Variants in IFT140 observed in about 807,000 individuals in gnomAD.
IFT140 encodes the protein intraflagellar transport 140, also known as intraflagellar transport protein 140 homolog.
IFT140 carries 133 observed loss-of-function variants against 164.6 expected under a neutral mutation model. The ratio of observed to expected loss-of-function variants is 0.81; its 90% CI spans 0.70 to 0.93. The LOEUF (loss-of-function observed/expected upper bound fraction) is 0.93, where lower values mean the gene tolerates loss of function less well. Among genes scored for constraint, IFT140 ranks in the 40% least tolerant of loss-of-function variants. The probability of loss-of-function intolerance (pLI) is 0.00; values close to 1 mark genes in which losing one functional copy is unlikely to be tolerated. For synonymous variants in IFT140, 860 were observed against 817.3 expected (o/e 1.05, Z -0.89); for missense variants, 2,045 against 1,972.3 (o/e 1.04, Z -0.70).
intron 26 of IFT140, among the ~76,000 whole-genome samples, chr16:1,521,742 C>T (rs576002213): frequency 8.0e-5 from 12 of 149,568 alleles, no homozygotes; most frequent in South Asian, 2.3e-4. Flanking sequence ...TGTCTTAGGC[C>T]GGGCATGTTG....
In IFT140 at chr16:1,513,888, T is replaced by G. The variant is rs1378690006; in HGVS notation, c.4183-2738A>C. ...CGGGGTTTCACCGTGTTAGCCAAGA[T>G]GGTCTCCATCTCCTGACCTCATGAT... is the stretch of plus-strand genomic sequence containing the variant. On this transcript the variant is annotated intron_variant, in intron 30 of 30. Transcript: ENST00000426508. Among the ~76,000 whole-genome samples the G allele has an allele frequency of 9.1e-5, 13 of 142,750 alleles. No individual in the cohort carries two copies. In the South Asian group the frequency reaches 1.4e-3, roughly 16 times the overall value. 93.6% of individuals were successfully genotyped at this position (142,750 alleles called of 152,430 possible).
chr16:1,523,498 A>C lies in IFT140; in HGVS notation c.3453+20T>G, dbSNP rs1335941700. ...GTGGTGCCTGCGTGGAGCCGAGCCCAGGCCCCGCTGGCCCCGTACCTTCCT... is the reference window on the plus strand; with the variant it reads ...GTGGTGCCTGCGTGGAGCCGAGCCCCGGCCCCGCTGGCCCCGTACCTTCCT... On this transcript the variant is annotated intron_variant, in intron 26 of 30. Coordinates refer to ENST00000426508, the MANE Select transcript of IFT140 (RefSeq NM_014714.4). 5.0e-6 allele frequency: 8 copies of C among 1,601,300 alleles called. No individual in the cohort carries two copies. In the African/African-American group the frequency reaches 9.4e-5, roughly 19 times the overall value.
In IFT140 at chr16:1,592,453, A is replaced by G; in HGVS notation, c.491+14T>C. On this transcript the variant is annotated intron_variant, in intron 5 of 30. Coordinates refer to ENST00000426508, the MANE Select transcript of IFT140 (RefSeq NM_014714.4). ...AAACACACACACAGGTCACAGGGCA[A>G]GCCCCACACTTACTCGCCAGGAGGG... 3 of 1,613,754 alleles carry G rather than the reference A, an allele frequency of 1.9e-6. No homozygotes were observed. The highest frequency in any genetic ancestry group is 2.5e-6 in the Non-Finnish European group (3 of 1,179,734).
intron 19 of IFT140, among the ~76,000 whole-genome samples, chr16:1,550,244 G>C (rs773212717): frequency 1.4e-4 from 21 of 152,076 alleles, no homozygotes; most frequent in Non-Finnish European, 3.1e-4. Context: ...CAGCCCCTTC[G>C]TCTTCTATAT....
chr16:1,603,284 C>T (rs567408640), intron 3 of IFT140, among the ~76,000 whole-genome samples: 5 of 152,002 alleles, frequency 3.3e-5, no homozygotes, highest in African/African-American at 4.8e-5. Flanking sequence ...GGTTTGTGGC[C>T]CCAGGGATCT....
chr16:1,608,570 T>C (rs759700563), intron 2 of IFT140, among the ~76,000 whole-genome samples: 3 of 145,918 alleles, frequency 2.1e-5, no homozygotes, highest in Non-Finnish European at 4.5e-5. Context: ...GAGGCAGAGG[T>C]TGCGGTAAGC....
At position 1,554,191 on chromosome 16, in the gene IFT140, G is replaced by A. The variant is rs1423101242; in HGVS notation, c.2399+3744C>T. 3.4e-6 allele frequency: 4 copies of A among 1,193,316 alleles called. No individual in the cohort carries two copies. The African/African-American group carries it at 6.3e-5, about 19-fold the overall frequency. The allele number at this position is 1,193,316 out of a possible 1,614,324, so 73.9% of individuals were successfully genotyped here. A position where few individuals can be genotyped will look rare whatever the true frequency, so the allele number is the denominator to read the frequency against. On this transcript the variant is annotated intron_variant, in intron 19 of 30. Coordinates refer to ENST00000426508, the MANE Select transcript of IFT140 (RefSeq NM_014714.4). ...CTGGCCCCATCTCCGCCCTGCCTGAGCTGCAGACTCCAGGCCATCTGGAGT... is the reference window on the plus strand; with the variant it reads ...CTGGCCCCATCTCCGCCCTGCCTGAACTGCAGACTCCAGGCCATCTGGAGT...
At chr16:1,569,210 T>C (rs1432053897) in intron 14 of IFT140, among the ~76,000 whole-genome samples, 1 of 152,058 alleles carries the variant, frequency 6.6e-6, no homozygotes, top group Non-Finnish European at 1.5e-5. Flanking sequence ...GGTTTCACCG[T>C]GTTAGCCAAG....
intron 19 of IFT140, among the ~76,000 whole-genome samples, chr16:1,550,706 G>A (rs891672505): frequency 1.3e-5 from 2 of 152,220 alleles, no homozygotes; most frequent in Non-Finnish European, 2.9e-5. Context: ...AGTCTGGAGA[G>A]CCTTCCCTGC....
chr16:1,553,859 T>C lies in IFT140; in HGVS notation c.2399+4076A>G, dbSNP rs2032877235. On this transcript the variant is annotated intron_variant, in intron 19 of 30. Transcript: ENST00000426508. This position sits in a 1 kb window ranked among gnomAD's most constrained non-coding sequence, Gnocchi z 4.4. ...CTGCGGCCACAGTGTCCTGTTATCC[T>C]AGTTGGTAGACTCTAGTCACGAAAC... 8.1e-7 allele frequency: 1 copy of C among 1,237,532 alleles called. No homozygotes were observed. The highest frequency in any genetic ancestry group is 1.0e-6 in the Non-Finnish European group (1 of 963,388). The allele number at this position is 1,237,532 out of a possible 1,614,324, so 76.7% of individuals were successfully genotyped here.
intron 19 of IFT140, among the ~76,000 whole-genome samples, chr16:1,529,030 G>A (rs2030148448): frequency 6.6e-6 from 1 of 152,186 alleles, no homozygotes; most frequent in African/African-American, 2.4e-5. Context: ...TCTGAGTCTA[G>A]GGGCTGGACG....
intron 30 of IFT140, among the ~76,000 whole-genome samples, chr16:1,513,501 A>G (rs2040238063): frequency 1.3e-5 from 2 of 151,904 alleles, no homozygotes; most frequent in South Asian, 4.2e-4. Flanking sequence ...CTGTCTCAGA[A>G]AAGAAAAAAG....
chr16:1,566,634 C>G (rs1567379711), intron 15 of IFT140, among the ~76,000 whole-genome samples: 1 of 152,154 alleles, frequency 6.6e-6, no homozygotes, highest in African/African-American at 2.4e-5. Flanking sequence ...AGCTGAAACT[C>G]CTTTATTACA....
chr16:1,577,886 A>G (rs2034357426), intron 13 of IFT140: 1 of 152,024 alleles, frequency 6.6e-6, no homozygotes, highest in African/African-American at 2.4e-5. Context: ...ACCTCCCTTT[A>G]TGTCCACAAC....
rs2032824653 is a variant in IFT140 at position 1,553,274 on chromosome 16, G to A, written c.2399+4661C>T. On this transcript the variant is annotated intron_variant, in intron 19 of 30. Transcript: ENST00000426508. The surrounding 1 kb of genome is among the most constrained non-coding windows in gnomAD (Gnocchi z 4.4). ...TCTCTCTGTATCTCTCTTGGTCTCT[G>A]TCTCTCTGTGTCTCTGCCTGTCTCT... 1 of 978,936 alleles carries A rather than the reference G, an allele frequency of 1.0e-6. No individual in the cohort carries two copies. The highest frequency in any genetic ancestry group is 1.2e-6 in the Non-Finnish European group (1 of 824,336). The allele number at this position is 978,936 out of a possible 1,614,324, so 60.6% of individuals were successfully genotyped here.
At chr16:1,587,378 G>T in intron 8 of IFT140, 74 bp from the exon 9 acceptor site, 1 of 904,724 alleles carries the variant, frequency 1.1e-6, no homozygotes, top group Non-Finnish European at 1.8e-6. Flanking sequence ...TTTTGAACCT[G>T]TGGAGCAAAC....
At chr16:1,566,015 G>A (rs1278571833) in intron 16 of IFT140, 146 bp downstream of exon 16, 3 of 680,022 alleles carry the variant, frequency 4.4e-6, no homozygotes, top group Non-Finnish European at 7.6e-6. Flanking sequence ...CTGCCAGAGT[G>A]TGCTTCTGTT....
At chr16:1,527,871 C>T (rs897166393) in intron 19 of IFT140, among the ~76,000 whole-genome samples, 2 of 152,236 alleles carry the variant, frequency 1.3e-5, no homozygotes, top group Non-Finnish European at 2.9e-5. Context: ...CCGCGCCCAG[C>T]CCCCCGCCTC....
chr16:1,569,582 C>A (rs2033915969), intron 14 of IFT140, among the ~76,000 whole-genome samples: 2 of 150,424 alleles, frequency 1.3e-5, no homozygotes, highest in South Asian at 4.3e-4. Context: ...CCTCCCCTTC[C>A]TTTTCTCTCT....
Sources: allele counts gnomAD v4.1 joint callset (sites outside exome capture counted in the v4.1 genomes callset), GRCh38; gene constraint gnomAD v4.1.1; non-coding constraint Gnocchi (gnomAD v3.1); transcripts MANE v1.5; gene names NCBI Gene and HGNC (gene_info 2026-07-23, HGNC 2026-07-21).